SPECC1L: variants seen among roughly 807,000 people sequenced by gnomAD.
The protein encoded by SPECC1L is cytospin-A.
A neutral mutation model predicts 116.8 loss-of-function variants in SPECC1L; 40 were observed. That is an observed-to-expected ratio of 0.34 (90% CI 0.27 to 0.45). SPECC1L has a LOEUF of 0.45. SPECC1L is among the 20% of genes least tolerant of loss of function. SPECC1L has a pLI of 1.00. For synonymous variants in SPECC1L, 504 were observed against 500.6 expected, an observed-to-expected ratio of 1.01 and a Z score of -0.09; for missense variants, 1,110 against 1,373.6, an observed-to-expected ratio of 0.81 and a Z score of 3.03.
chr22:24,369,379 C>T (rs1241204453), intron 14 of SPECC1L, 59 bp downstream of exon 14: 13 of 1,217,236 alleles, frequency 1.1e-5, no homozygotes, highest in East Asian at 2.3e-5. Flanking sequence ...GCTGGAGTGT[C>T]GTAGCTTACT....
At chr22:24,348,061 G>A (rs2041338560) in intron 11 of SPECC1L, among the ~76,000 whole-genome samples, 1 of 152,062 alleles carries the variant, frequency 6.6e-6, no homozygotes, top group African/African-American at 2.4e-5. Flanking sequence ...CTTACCCCAC[G>A]CTGCCTCTTC....
At chr22:24,412,496 G>C (rs1346918663) in intron 15 of SPECC1L, 152 bp from the exon 16 acceptor site, 1 of 742,354 alleles carries the variant, frequency 1.3e-6, no homozygotes, top group Non-Finnish European at 2.4e-6. Flanking sequence ...TGGTGCAGAT[G>C]CAGAAGCTCA....
chr22:24,285,728 C>T (rs995748696), intron 2 of SPECC1L, among the ~76,000 whole-genome samples: 2 of 152,086 alleles, frequency 1.3e-5, no homozygotes, highest in Non-Finnish European at 2.9e-5. Flanking sequence ...ACTGCGACCT[C>T]CGCTTCCTGG....
intron 8 of SPECC1L, among the ~76,000 whole-genome samples, chr22:24,333,577 G>A (rs865959665): frequency 7.8e-6 from 1 of 128,274 alleles, no homozygotes; most frequent in Non-Finnish European, 1.7e-5. Flanking sequence ...TTTTTTCTTT[G>A]TAGAATTCTA....
chr22:24,318,207 C>G (rs2040641376), intron 4 of SPECC1L, among the ~76,000 whole-genome samples: 3 of 152,344 alleles, frequency 2.0e-5, no homozygotes, highest in Admixed American at 6.5e-5. Flanking sequence ...CGAGATCACG[C>G]CACTGCACTC....
chr22:24,363,152 A>G, intron 11 of SPECC1L, 109 bp from the exon 12 acceptor site: 1 of 951,282 alleles, frequency 1.1e-6, no homozygotes, highest in Non-Finnish European at 1.7e-6. Flanking sequence ...GATTGGGAAG[A>G]AGGATGAGCT....
intron 14 of SPECC1L, among the ~76,000 whole-genome samples, chr22:24,374,426 G>A (rs111926311): frequency 2.6e-5 from 4 of 152,038 alleles, no homozygotes; most frequent in Admixed American, 6.6e-5. Flanking sequence ...TATACACCAT[G>A]GAATACTATG....
In SPECC1L at chr22:24,290,593, A is replaced by G. The variant is rs528012647; in HGVS notation, c.-37-11602A>G. Among the ~76,000 whole-genome samples the G allele has an allele frequency of 5.9e-5, 9 of 152,306 alleles. No homozygotes were observed. In the South Asian group the frequency reaches 1.7e-3, roughly 28 times the overall value. ...CTGGATTCAGACTGAGCAGAGAATC[A>G]CATATCTGAAGGCATCTTACCCCTG... On this transcript the variant is annotated intron_variant, in intron 2 of 16. Coordinates refer to ENST00000314328, the MANE Select transcript of SPECC1L (RefSeq NM_015330.6).
At chr22:24,347,247 T>A in intron 11 of SPECC1L, 71 bp downstream of exon 11, 1 of 1,185,312 alleles carries the variant, frequency 8.4e-7, no homozygotes, top group Non-Finnish European at 1.3e-6. Context: ...TTTGGCAAAC[T>A]AAATATTTTC....
At chr22:24,335,792 A>T (rs2041041664) in intron 9 of SPECC1L, among the ~76,000 whole-genome samples, 1 of 152,172 alleles carries the variant, frequency 6.6e-6, no homozygotes, top group South Asian at 2.1e-4. Context: ...TGAAGTTGTT[A>T]TACTTAGTAC....
chr22:24,353,748 G>A (rs2041472336), intron 11 of SPECC1L, among the ~76,000 whole-genome samples: 1 of 152,110 alleles, frequency 6.6e-6, no homozygotes, highest in South Asian at 2.1e-4. Context: ...CAGAGGTGAT[G>A]TGTCCTTTTC....
intron 2 of SPECC1L, among the ~76,000 whole-genome samples, chr22:24,298,212 T>A (rs1050991276): frequency 6.6e-6 from 1 of 152,148 alleles, no homozygotes; most frequent in African/African-American, 2.4e-5. Flanking sequence ...ATGTAAGTGG[T>A]CTGAGCATGT....
chr22:24,355,412 T>C (rs2041511409), intron 11 of SPECC1L, among the ~76,000 whole-genome samples: 1 of 151,856 alleles, frequency 6.6e-6, no homozygotes, highest in African/African-American at 2.4e-5. Flanking sequence ...TACCAACTCA[T>C]GTGTATACAC....
At chr22:24,410,333 G>A (rs2042671200) in intron 14 of SPECC1L, among the ~76,000 whole-genome samples, 1 of 152,222 alleles carries the variant, frequency 6.6e-6, no homozygotes, top group African/African-American at 2.4e-5. Context: ...GCAGCAAATT[G>A]CAGAGGTTTT....
intron 1 of SPECC1L, among the ~76,000 whole-genome samples, 192 bp downstream of exon 1, chr22:24,271,175 G>C (rs981741438): frequency 2.6e-5 from 4 of 152,238 alleles, no homozygotes; most frequent in African/African-American, 7.2e-5. Context: ...CCTCGTTCTG[G>C]GCTTCGGGGC....
At chr22:24,348,447 T>C (rs1262611884) in intron 11 of SPECC1L, among the ~76,000 whole-genome samples, 2 of 152,158 alleles carry the variant, frequency 1.3e-5, no homozygotes, top group African/African-American at 4.8e-5. Flanking sequence ...TCTGATAAGC[T>C]GGTTGTGTAC....
intron 11 of SPECC1L, among the ~76,000 whole-genome samples, chr22:24,358,345 C>T (rs999804805): frequency 1.3e-5 from 2 of 151,988 alleles, no homozygotes; most frequent in Non-Finnish European, 2.9e-5. Flanking sequence ...TGGGCTCATG[C>T]TCCTCCTCCT....
intron 8 of SPECC1L, among the ~76,000 whole-genome samples, chr22:24,333,737 G>A (rs1045444426): frequency 9.9e-5 from 15 of 151,902 alleles, no homozygotes; most frequent in African/African-American, 3.4e-4. Flanking sequence ...TGAACCTCCA[G>A]ACTCCTGAGA....
chr22:24,391,552 A>G (rs1410243228), intron 14 of SPECC1L, among the ~76,000 whole-genome samples: 2 of 152,218 alleles, frequency 1.3e-5, no homozygotes, highest in African/African-American at 4.8e-5. Flanking sequence ...GGCCTTGTAT[A>G]CAGCACCAGT....
Sources: allele counts gnomAD v4.1 joint callset (sites outside exome capture counted in the v4.1 genomes callset), GRCh38; gene constraint gnomAD v4.1.1; transcripts MANE v1.5; gene names NCBI Gene and HGNC (gene_info 2026-07-23, HGNC 2026-07-21).